The following FGFR1 variants were observed in gnomAD, a reference collection of about 807,000 sequenced individuals.
The protein encoded by FGFR1 is fibroblast growth factor receptor 1, also known as FGFR1/PLAG1 fusion.
Under a neutral mutation model 93.7 loss-of-function variants are expected in FGFR1, and 18 were observed. The observed-to-expected ratio is 0.19, with a 90% CI of 0.13 to 0.28. FGFR1 has a LOEUF of 0.28. FGFR1 is among the 10% of genes least tolerant of loss of function. The probability of loss-of-function intolerance (pLI) is 1.00; values close to 1 mark genes in which losing one functional copy is unlikely to be tolerated. For missense variants in FGFR1, 731 were observed against 1,080.4 expected (o/e 0.68, Z 4.53); for synonymous variants, 448 against 429.3 (o/e 1.04, Z -0.54).
intron 2 of FGFR1, chr8:38,435,655 C>T (rs1451798993): frequency 6.6e-6 from 1 of 152,190 alleles, no homozygotes; most frequent in Non-Finnish European, 1.5e-5. Flanking sequence ...CACTTATGTC[C>T]TCATTAGAAA....
rs766161498 is a variant in FGFR1, at chr8:38,434,327, TG to T, written c.92-4380del. 1,430 of 189,892 alleles carry T rather than the reference TG, an allele frequency of 7.5e-3. 13 individuals are homozygous for T. The highest frequency in any genetic ancestry group is 0.011 in the Non-Finnish European group (999 of 90,040). 11.8% of individuals were successfully genotyped at this position (189,892 alleles called of 1,614,324 possible). A position where few individuals can be genotyped will look rare whatever the true frequency, so the allele number is the denominator to read the frequency against. The stretch of plus-strand genomic sequence containing the variant: ...CGCTGCGCTCAACCCATATTGCTGC[TG>T]CTTTTTTTTTTTTTTTTTATAACAA... On this transcript the variant is annotated intron_variant, in intron 2 of 17. Transcript: ENST00000447712.
At chr8:38,423,450 T>C (rs886840910) in intron 7 of FGFR1, 33 of 377,810 alleles carry the variant, frequency 8.7e-5, no homozygotes, top group Non-Finnish European at 1.6e-4. Context: ...GCCTCCTGAG[T>C]AGCTGGGACT....
chr8:38,424,615 C>T lies in FGFR1; in HGVS notation c.830G>A (p.Cys277Tyr), dbSNP rs2150821010. Reference protein sequence around the residue: ...VALGSNVEFMCKVYSDPQPHI... With the variant: ...VALGSNVEFMYKVYSDPQPHI... ...CGGCTGCGGGTCACTGTACACCTTA[C>T]ACATGAACTCCACGTTGCTACCCAG... is the stretch of plus-strand genomic sequence containing the variant. Residue 277 changes from cysteine to tyrosine, a missense_variant, in exon 7 of 18, where the codon TGT becomes TAT. Cys to Tyr is a radical substitution (Grantham distance 194). Transcript: ENST00000447712. The surrounding 1 kb of genome is among the most constrained non-coding windows in gnomAD (Gnocchi z 4.3). The T allele has an allele frequency of 6.2e-7, 1 of 1,614,226 alleles. No homozygotes were observed. The highest frequency in any genetic ancestry group is 8.5e-7 in the Non-Finnish European group (1 of 1,180,016).
chr8:38,452,216 CACA>C (rs1831314515), intron 2 of FGFR1, among the ~76,000 whole-genome samples: 1 of 144,204 alleles, frequency 6.9e-6, no homozygotes, highest in East Asian at 2.0e-4. Context: ...CACACACACA[CACA>C]CACACACACA....
In FGFR1 at chr8:38,424,756, G is replaced by A. The variant is rs1820122469; in HGVS notation, c.746-57C>T. Reference sequence around the variant, plus strand: ...TGGGGACCTTGCCATGGCTAAAGAGGGGTGGGCTCACCTGCGCCCCACTTG... The same window carrying A: ...TGGGGACCTTGCCATGGCTAAAGAGAGGTGGGCTCACCTGCGCCCCACTTG... On this transcript the variant is annotated intron_variant, in intron 6 of 17. Coordinates refer to ENST00000447712, the MANE Select transcript of FGFR1 (RefSeq NM_023110.3). This position sits in a 1 kb window ranked among gnomAD's most constrained non-coding sequence, Gnocchi z 4.3. 1 of 1,574,312 alleles carries A rather than the reference G, an allele frequency of 6.4e-7. No homozygotes were observed. Among genetic ancestry groups the A allele is most frequent in the Non-Finnish European group, 8.7e-7 (1 of 1,153,324 alleles).
At chr8:38,451,579 A>G (rs1244095699) in intron 2 of FGFR1, among the ~76,000 whole-genome samples, 1 of 152,144 alleles carries the variant, frequency 6.6e-6, no homozygotes, top group African/African-American at 2.4e-5. Context: ...TGTGGTGCAC[A>G]CAGGGCATCC....
At position 38,424,686 on chromosome 8, in the gene FGFR1, G is replaced by A. The variant is rs2150826089; in HGVS notation, c.759C>T (p.His253=). The A allele has an allele frequency of 6.2e-7, 1 of 1,612,168 alleles. No individual in the cohort carries two copies. The highest frequency in any genetic ancestry group is 8.5e-7 in the Non-Finnish European group (1 of 1,178,322). ...GCAACCCTGCTTGCAGGATGGGCCG[G>A]TGAGGGGACCGCTCTGTGGAAGATG... is the stretch of plus-strand genomic sequence containing the variant. The part of the protein sequence containing the change: ...YQLDVVERSP[H]RPILQAGLPA... Residue 253 remains histidine (H), a synonymous_variant, in exon 7 of 18, where the codon CAC becomes CAT. Transcript: ENST00000447712. This position sits in a 1 kb window ranked among gnomAD's most constrained non-coding sequence, Gnocchi z 4.3.
chr8:38,461,357 C>T, intron 1 of FGFR1: 1 of 544,750 alleles, frequency 1.8e-6, no homozygotes, highest in African/African-American at 1.9e-5. Context: ...CTTTCTGAGA[C>T]AGAGTGTTGC....
chr8:38,412,813 G>C lies in FGFR1; in HGVS notation c.*815C>G, dbSNP rs904056572. ...TTAAAAAAATAAAACAGCAAAAGTAGCAAAAAATATATGACCTTTTTAAAA... is the reference window on the plus strand; with the variant it reads ...TTAAAAAAATAAAACAGCAAAAGTACCAAAAAATATATGACCTTTTTAAAA... On this transcript the variant is annotated 3_prime_UTR_variant, in exon 18 of 18. Transcript: ENST00000447712. 2 of 233,248 alleles carry C rather than the reference G, an allele frequency of 8.6e-6. No homozygotes were observed. Among genetic ancestry groups the C allele is most frequent in the African/African-American group, 4.4e-5 (2 of 45,274 alleles). 14.4% of individuals were successfully genotyped at this position (233,248 alleles called of 1,614,324 possible).
chr8:38,430,002 G>A (rs1822392441), intron 2 of FGFR1, 54 bp from the exon 3 acceptor site: 1 of 1,529,222 alleles, frequency 6.5e-7, no homozygotes, highest in Admixed American at 1.9e-5. Flanking sequence ...GAGGAAGACA[G>A]GGAGAGGGGA....
At chr8:38,439,136 T>C (rs1220641937) in intron 2 of FGFR1, among the ~76,000 whole-genome samples, 1 of 152,106 alleles carries the variant, frequency 6.6e-6, no homozygotes, top group African/African-American at 2.4e-5. Context: ...TTCCTTCCCA[T>C]TTAAACATGG....
At chr8:38,422,958 G>A (rs1003138243) in intron 7 of FGFR1, 35 of 758,520 alleles carry the variant, frequency 4.6e-5, no homozygotes, top group Non-Finnish European at 5.9e-5. Context: ...TGGCTTCCCC[G>A]CCTGCCCCAG....
intron 8 of FGFR1, among the ~76,000 whole-genome samples, chr8:38,420,710 C>T (rs749487123): frequency 5.5e-4 from 83 of 152,112 alleles, no homozygotes; most frequent in Non-Finnish European, 1.0e-3. Flanking sequence ...AGGCCTCCTC[C>T]CAACCTTCCC....
chr8:38,467,673 G>A, intron 1 of FGFR1: 1 of 233,838 alleles, frequency 4.3e-6, no homozygotes, highest in Non-Finnish European at 8.4e-6. Flanking sequence ...GGGACTCACT[G>A]AGGAGCCGCC....
At chr8:38,435,931 A>G (rs1825247920) in intron 2 of FGFR1, among the ~76,000 whole-genome samples, 1 of 152,252 alleles carries the variant, frequency 6.6e-6, no homozygotes, top group South Asian at 2.1e-4. Context: ...AAGCAGCACC[A>G]AAACACTTGC....
intron 2 of FGFR1, among the ~76,000 whole-genome samples, chr8:38,440,605 GAA>G (rs1356753001): frequency 1.3e-5 from 2 of 151,114 alleles, no homozygotes; most frequent in African/African-American, 4.9e-5. Flanking sequence ...TGAAGAAAGT[GAA>G]AAGAGTAAGA....
rs767419329 is a variant in FGFR1, at chr8:38,417,930, T to A, written c.1492A>T (p.Ile498Phe). The change falls in exon 11 of 18, where the codon ATC becomes TTC. Residue 498 changes from isoleucine to phenylalanine, a missense_variant. Around this residue, in one of 10 missense-constraint regions of FGFR1, gnomAD observed 62 missense variants for 99.5 expected, o/e 0.62. Transcript: ENST00000447712. ...TTGGGTTTGTCCTTGTCCAGCCCGA[T>A]AGCCTCTGCCAACACCACCTGCCCA... The part of the protein sequence containing the change: ...CFGQVVLAEA[I>F]GLDKDKPNRV... 6.2e-7 allele frequency: 1 copy of A among 1,614,198 alleles called. No individual in the cohort carries two copies. The highest frequency in any genetic ancestry group is 8.5e-7 in the Non-Finnish European group (1 of 1,180,030).
In FGFR1 at chr8:38,458,299, G is replaced by A. The variant is rs556111911; in HGVS notation, c.-88-765C>T. On this transcript the variant is annotated intron_variant, in intron 1 of 17. Transcript: ENST00000447712. ...CTCACACCTGCAATCCCAGCACTTC[G>A]GGAGGCTAAGGTGGGCAGATCATTT... 1.4e-4 allele frequency among the ~76,000 whole-genome samples: 22 copies of A among 152,072 alleles called. 1 individual carries two copies. The highest frequency in any genetic ancestry group is 9.7e-5 in the African/African-American group (4 of 41,404).
intron 2 of FGFR1, among the ~76,000 whole-genome samples, chr8:38,439,575 A>G (rs1464222722): frequency 6.6e-6 from 1 of 152,042 alleles, no homozygotes; most frequent in Non-Finnish European, 1.5e-5. Context: ...CCAACACTCC[A>G]TGACAGCCCC....
Sources: allele counts gnomAD v4.1 joint callset (sites outside exome capture counted in the v4.1 genomes callset), GRCh38; gene constraint gnomAD v4.1.1; regional missense constraint gnomAD v4.1.1; non-coding constraint Gnocchi (gnomAD v3.1); transcripts MANE v1.5; gene names NCBI Gene and HGNC (gene_info 2026-07-23, HGNC 2026-07-21).